Variants in SLC35F2 observed in about 807,000 individuals in gnomAD.
SLC35F2 encodes queuine/queuosine transporter SLC35F2.
SLC35F2 carries 25 observed loss-of-function variants against 38.1 expected under a neutral mutation model. That is an observed-to-expected ratio of 0.66 (90% CI 0.48 to 0.92). SLC35F2 has a LOEUF of 0.92. Ranked by LOEUF, SLC35F2 falls within the 40% of genes least tolerant of loss-of-function variation. SLC35F2 has a pLI of 0.00. For missense variants in SLC35F2, 409 were observed against 452.9 expected (o/e 0.90, Z 0.88); for synonymous variants, 173 against 181.7 (o/e 0.95, Z 0.38).
chr11:107,815,227 TG>T (rs1213180350), intron 2 of SLC35F2, among the ~76,000 whole-genome samples: 1 of 149,362 alleles, frequency 6.7e-6, no homozygotes, highest in Non-Finnish European at 1.5e-5. Flanking sequence ...TTTTTAAAAT[TG>T]GGGGGGAAAC....
intron 1 of SLC35F2, among the ~76,000 whole-genome samples, chr11:107,817,209 G>A (rs1353406311): frequency 6.6e-6 from 1 of 152,070 alleles, no homozygotes; most frequent in Non-Finnish European, 1.5e-5. Flanking sequence ...ACAGGAAGCG[G>A]AGGTTGCAGT....
chr11:107,846,521 A>AACC (rs1860106963), intron 1 of SLC35F2, among the ~76,000 whole-genome samples: 2 of 152,206 alleles, frequency 1.3e-5, no homozygotes, highest in African/African-American at 2.4e-5. Flanking sequence ...CTACCCTAAG[A>AACC]CAGTTGTTCA....
chr11:107,799,883 GTTTGTTTTTGTT>G (rs1565427171), intron 7 of SLC35F2, among the ~76,000 whole-genome samples: 3 of 108,050 alleles, frequency 2.8e-5, no homozygotes, highest in African/African-American at 1.0e-4. Context: ...TTTTGTTTTT[GTTTGTTTTTGTT>G]TTTTTTTTTT....
rs73003346 is a variant in SLC35F2, at chr11:107,825,022, A to G, written c.111-9057T>C. The stretch of plus-strand genomic sequence containing the variant: ...TCGTTTCAACTTAAATAAAATAGCC[A>G]TATATGGAGAATGGCTACCAAATTA... On this transcript the variant is annotated intron_variant, in intron 1 of 7. Coordinates refer to ENST00000525815, the MANE Select transcript of SLC35F2 (RefSeq NM_017515.5). 3.9e-5 allele frequency among the ~76,000 whole-genome samples: 6 copies of G among 152,342 alleles called. No homozygotes were observed. In the East Asian group the frequency reaches 1.2e-3, roughly 29 times the overall value.
At chr11:107,846,519 A>ACCCAACT (rs1860106867) in intron 1 of SLC35F2, among the ~76,000 whole-genome samples, 2 of 152,228 alleles carry the variant, frequency 1.3e-5, no homozygotes, top group African/African-American at 2.4e-5. Flanking sequence ...GCCTACCCTA[A>ACCCAACT]GACAGTTGTT....
intron 3 of SLC35F2, among the ~76,000 whole-genome samples, chr11:107,807,375 G>A (rs185366335): frequency 9.4e-4 from 143 of 151,594 alleles, no homozygotes; most frequent in Middle Eastern, 6.8e-3. Flanking sequence ...ACTTGAGCCC[G>A]GAGTTCAAGG....
rs759142494 is a variant in SLC35F2, at chr11:107,858,650, C to G, written c.110+8G>C. The G allele has an allele frequency of 7.8e-7, 1 of 1,289,298 alleles. No individual in the cohort carries two copies. The highest frequency in any genetic ancestry group is 1.5e-5 in the African/African-American group (1 of 66,006). 79.9% of individuals were successfully genotyped at this position (1,289,298 alleles called of 1,614,324 possible). On this transcript the variant is annotated splice_region_variant and intron_variant, in intron 1 of 7. Transcript: ENST00000525815. ...CCAGCGGAGCTGCAGCACGCCCCTT[C>G]CACTCACCAGGTGAAGAGTTTGCCT...
At chr11:107,795,633 T>C (rs2134756487) in intron 7 of SLC35F2, among the ~76,000 whole-genome samples, 1 of 151,978 alleles carries the variant, frequency 6.6e-6, no homozygotes, top group South Asian at 2.1e-4. Flanking sequence ...GAAAAACAAA[T>C]AATCCTATTA....
intron 6 of SLC35F2, among the ~76,000 whole-genome samples, chr11:107,803,951 G>A (rs981682442): frequency 5.3e-5 from 8 of 151,422 alleles, no homozygotes; most frequent in South Asian, 2.1e-4. Flanking sequence ...TCAGCCTCCC[G>A]AGTAGCTGAG....
At chr11:107,858,049 C>A (rs1463386194) in intron 1 of SLC35F2, among the ~76,000 whole-genome samples, 1 of 152,200 alleles carries the variant, frequency 6.6e-6, no homozygotes, top group Non-Finnish European at 1.5e-5. Flanking sequence ...AAACATTTGT[C>A]CCTACTTCGC....
At chr11:107,816,471 G>T (rs1859576006) in intron 1 of SLC35F2, among the ~76,000 whole-genome samples, 1 of 116,454 alleles carries the variant, frequency 8.6e-6, no homozygotes. Flanking sequence ...TTTTTTTGTG[G>T]AGATGGGGTT....
At chr11:107,830,388 A>G (rs1332469424) in intron 1 of SLC35F2, among the ~76,000 whole-genome samples, 1 of 152,072 alleles carries the variant, frequency 6.6e-6, no homozygotes, top group Non-Finnish European at 1.5e-5. Context: ...GATCGAGAAC[A>G]TCCTGGCCAA....
Position 107,810,773 on chromosome 11 carries a change from G to C in SLC35F2, c.414+894C>G, listed in dbSNP as rs569843218. The C allele has an allele frequency of 3.2e-5, 31 of 979,844 alleles. No homozygotes were observed. The East Asian group carries it at 1.1e-3, about 36-fold the overall frequency. The allele number at this position is 979,844 out of a possible 1,614,324, so 60.7% of individuals were successfully genotyped here. A position where few individuals can be genotyped will look rare whatever the true frequency, so the allele number is the denominator to read the frequency against. On this transcript the variant is annotated intron_variant, in intron 3 of 7. Transcript: ENST00000525815. ...TAACATTTAATGTAGGTTCACACTG[G>C]AAAAATACTGAGTTCTCATCAATCC...
chr11:107,823,950 A>G (rs1859715240), intron 1 of SLC35F2: 1 of 965,516 alleles, frequency 1.0e-6, no homozygotes, highest in Admixed American at 6.2e-5. Flanking sequence ...AAAAGAAAAA[A>G]GAAAAGAAAT....
chr11:107,826,880 GTT>G (rs1565435717), intron 1 of SLC35F2, among the ~76,000 whole-genome samples: 1 of 152,092 alleles, frequency 6.6e-6, no homozygotes, highest in Non-Finnish European at 1.5e-5. Context: ...TTGATATGGT[GTT>G]GATATTATTC....
In SLC35F2 at chr11:107,803,167, A is replaced by G. The variant is rs1201098086; in HGVS notation, c.785-12T>C. 1.9e-6 allele frequency: 3 copies of G among 1,591,498 alleles called. No homozygotes were observed. In the African/African-American group the frequency reaches 4.1e-5, roughly 22 times the overall value. ...CACGAACAGCAGGGCTGTGGAAAAA[A>G]ACATGGAATATCTAATATTAGGGCA... On this transcript the variant is annotated splice_polypyrimidine_tract_variant and intron_variant, in intron 6 of 7. Coordinates refer to ENST00000525815, the MANE Select transcript of SLC35F2 (RefSeq NM_017515.5).
At position 107,792,702 on chromosome 11, in the gene SLC35F2, G is replaced by C. The variant is rs766839775; in HGVS notation, c.1038C>G (p.Ser346Arg). Residue 346 changes from serine (S) to arginine (R), a missense_variant, in exon 8 of 8, where the codon AGC becomes AGG. Ser to Arg is a moderately radical substitution (Grantham distance 110). Transcript: ENST00000525815. ...PTRTAEPAES[S>R]VPPVTSIGID... ...TCCCAATGCTGGTGACTGGAGGCACGCTGCTTTCAGCCGGCTCGGCCGTGC... is the reference window on the plus strand; with the variant it reads ...TCCCAATGCTGGTGACTGGAGGCACCCTGCTTTCAGCCGGCTCGGCCGTGC... The C allele has an allele frequency of 4.3e-6, 7 of 1,613,942 alleles. No individual in the cohort carries two copies. The highest frequency in any genetic ancestry group is 5.1e-6 in the Non-Finnish European group (6 of 1,179,950).
At chr11:107,835,995 G>A (rs1399594913) in intron 1 of SLC35F2, among the ~76,000 whole-genome samples, 1 of 152,142 alleles carries the variant, frequency 6.6e-6, no homozygotes, top group Non-Finnish European at 1.5e-5. Context: ...AAGGGCTATA[G>A]GAATTGTCAT....
At chr11:107,824,084 T>A (rs1033763506) in intron 1 of SLC35F2, 1 of 801,666 alleles carries the variant, frequency 1.2e-6, no homozygotes, top group Non-Finnish European at 1.5e-6. Flanking sequence ...CTAGTAAGCA[T>A]GAGTAGCTTG....
Sources: allele counts gnomAD v4.1 joint callset (sites outside exome capture counted in the v4.1 genomes callset), GRCh38; gene constraint gnomAD v4.1.1; transcripts MANE v1.5; gene names NCBI Gene and HGNC (gene_info 2026-07-23, HGNC 2026-07-21).